AP4S1: variants seen among roughly 807,000 people sequenced by gnomAD.
AP4S1 encodes the protein adaptor related protein complex 4 subunit sigma 1, also known as AP-4 complex subunit sigma-1.
In AP4S1, 23 loss-of-function variants were observed where a neutral mutation model predicts 19.8. The ratio of observed to expected loss-of-function variants is 1.16; its 90% CI spans 0.84 to 1.65. The LOEUF (loss-of-function observed/expected upper bound fraction) is 1.65, where lower values mean the gene tolerates loss of function less well. AP4S1 is among the 40% of genes most tolerant of loss of function. AP4S1 has a pLI of 0.00. For synonymous variants in AP4S1, 46 were observed against 54.1 expected, an observed-to-expected ratio of 0.85 and a Z score of 0.66; for missense variants, 166 against 172.8, an observed-to-expected ratio of 0.96 and a Z score of 0.22.
At chr14:31,067,888 T>C (rs1886810384) in intron 2 of AP4S1, among the ~76,000 whole-genome samples, 1 of 151,088 alleles carries the variant, frequency 6.6e-6, no homozygotes, top group African/African-American at 2.4e-5. Context: ...TTTTTTTTTT[T>C]GAGACAGAGT....
intron 5 of AP4S1, chr14:31,083,697 A>G (rs575539538): frequency 1.4e-3 from 518 of 377,712 alleles, no homozygotes; most frequent in Middle Eastern, 7.6e-3. Context: ...TTTTGAGGAG[A>G]TGGGGTCTCA....
At chr14:31,092,129 C>A (rs1329004910) in intron 5 of AP4S1, among the ~76,000 whole-genome samples, 1 of 152,212 alleles carries the variant, frequency 6.6e-6, no homozygotes, top group African/African-American at 2.4e-5. Context: ...CTCCATCATT[C>A]TCAAATGACT....
chr14:31,090,080 C>T (rs1390594781), intron 5 of AP4S1, among the ~76,000 whole-genome samples: 1 of 152,078 alleles, frequency 6.6e-6, no homozygotes, highest in African/African-American at 2.4e-5. Context: ...CCTCCGCCTC[C>T]GAGGTTCAAG....
At chr14:31,080,448 A>G in intron 4 of AP4S1, 125 bp from the exon 5 acceptor site, 1 of 782,464 alleles carries the variant, frequency 1.3e-6, no homozygotes. Flanking sequence ...TGTGGCCACC[A>G]AGCCCAGAAG....
chr14:31,091,498 A>G (rs1888074860), intron 5 of AP4S1, among the ~76,000 whole-genome samples: 1 of 151,344 alleles, frequency 6.6e-6, no homozygotes, highest in Non-Finnish European at 1.5e-5. Context: ...ATTGAAAGAC[A>G]GTATTAATAG....
At chr14:31,070,005 G>T in intron 3 of AP4S1, 76 bp downstream of exon 3, 1 of 1,305,790 alleles carries the variant, frequency 7.7e-7, no homozygotes, top group Non-Finnish European at 1.1e-6. Flanking sequence ...TGACTCTCTT[G>T]ATTTTTTTTA....
At chr14:31,038,996 T>G (rs1247674237) in intron 1 of AP4S1, among the ~76,000 whole-genome samples, 4 of 151,704 alleles carry the variant, frequency 2.6e-5, no homozygotes, top group East Asian at 1.9e-4. Flanking sequence ...GTAGAGGTTT[T>G]TTTTTTTTTT....
rs143123975 is a variant in AP4S1 at position 31,037,715 on chromosome 14, C to T, written c.-72+11928C>T. 7.9e-3 allele frequency among the ~76,000 whole-genome samples: 1,196 copies of T among 152,150 alleles called. 7 individuals carry two copies. Among genetic ancestry groups the T allele is most frequent in the Non-Finnish European group, 0.013 (883 of 68,010 alleles). On this transcript the variant is annotated intron_variant, in intron 1 of 5. Coordinates refer to ENST00000542754, the MANE Select transcript of AP4S1 (RefSeq NM_001128126.3). ...CTGTAATCCCAGCACTTTAGGAGGCCAAGGTGGGAGGATTGTTTGAGCCCA... is the reference window on the plus strand; with the variant it reads ...CTGTAATCCCAGCACTTTAGGAGGCTAAGGTGGGAGGATTGTTTGAGCCCA...
At chr14:31,079,063 C>CA (rs1201496249) in intron 4 of AP4S1, among the ~76,000 whole-genome samples, 2 of 152,200 alleles carry the variant, frequency 1.3e-5, no homozygotes, top group East Asian at 3.9e-4. Context: ...ATTTTTAAAA[C>CA]AAAAAACCAA....
intron 5 of AP4S1, chr14:31,085,552 T>C: frequency 6.1e-6 from 6 of 977,646 alleles, no homozygotes; most frequent in African/African-American, 1.7e-5. Flanking sequence ...AGCAGGAGGA[T>C]TGCTTGAGGC....
Position 31,035,105 on chromosome 14 carries a change from A to G in AP4S1, c.-72+9318A>G, listed in dbSNP as rs148520484. On this transcript the variant is annotated intron_variant, in intron 1 of 5. Transcript: ENST00000542754. The stretch of plus-strand genomic sequence containing the variant: ...TTATTTCATTAGTACATAGTTCTCT[A>G]AGTATCTTTAACAGATTAGGAGTTT... Among the ~76,000 whole-genome samples the G allele has an allele frequency of 1.5e-4, 23 of 152,152 alleles. 1 individual carries two copies. Among genetic ancestry groups the G allele is most frequent in the African/African-American group, 4.8e-4 (20 of 41,506 alleles).
chr14:31,068,110 C>T (rs1319174724), intron 2 of AP4S1, among the ~76,000 whole-genome samples: 8 of 151,138 alleles, frequency 5.3e-5, no homozygotes, highest in Admixed American at 4.6e-4. Flanking sequence ...TCAGGTGAGC[C>T]ACCCGCCTTG....
At chr14:31,088,816 A>AAG (rs1319826453) in intron 5 of AP4S1, among the ~76,000 whole-genome samples, 3 of 149,388 alleles carry the variant, frequency 2.0e-5, no homozygotes, top group African/African-American at 7.4e-5. Context: ...TCAAAAAAAA[A>AAG]AAAAAAAAAA....
At chr14:31,092,100 C>T (rs909547004) in intron 5 of AP4S1, among the ~76,000 whole-genome samples, 9 of 152,198 alleles carry the variant, frequency 5.9e-5, no homozygotes, top group African/African-American at 2.2e-4. Context: ...CCAGTAAGAA[C>T]ACCTGTAAGC....
chr14:31,040,098 C>T (rs942233784), intron 1 of AP4S1, among the ~76,000 whole-genome samples: 3 of 151,628 alleles, frequency 2.0e-5, no homozygotes, highest in African/African-American at 7.3e-5. Context: ...TATAGTCTAC[C>T]AGTCAACTTG....
At chr14:31,057,403 C>T (rs1210595960) in intron 1 of AP4S1, among the ~76,000 whole-genome samples, 1 of 152,268 alleles carries the variant, frequency 6.6e-6, no homozygotes, top group East Asian at 1.9e-4. Flanking sequence ...AAGTTGAAAC[C>T]CATTTGCCAT....
In AP4S1 at chr14:31,059,955, TTATGTATATATATG is replaced by T. The variant is rs1456759830; in HGVS notation, c.-71-6167_-71-6154del. 4.7e-3 allele frequency among the ~76,000 whole-genome samples: 625 copies of T among 133,600 alleles called. 6 individuals carry two copies. Among genetic ancestry groups the T allele is most frequent in the African/African-American group, 0.016 (585 of 37,312 alleles). 87.6% of individuals were successfully genotyped at this position (133,600 alleles called of 152,430 possible). On this transcript the variant is annotated intron_variant, in intron 1 of 5. Coordinates refer to ENST00000542754, the MANE Select transcript of AP4S1 (RefSeq NM_001128126.3). ...AATATATATATATATATTTATTTAT[TTATGTATATATATG>T]TATTTATGTATATATGTATATATAT...
At chr14:31,048,001 T>C (rs537939686) in intron 1 of AP4S1, among the ~76,000 whole-genome samples, 31 of 152,178 alleles carry the variant, frequency 2.0e-4, no homozygotes, top group African/African-American at 7.2e-4. Context: ...TCTGAAAGTT[T>C]ATACAGGTTT....
intron 2 of AP4S1, among the ~76,000 whole-genome samples, chr14:31,066,932 A>G (rs1451655103): frequency 1.3e-5 from 2 of 152,248 alleles, no homozygotes; most frequent in South Asian, 2.1e-4. Flanking sequence ...AAATTTATCC[A>G]TCTTCCAAAA....
Sources: gnomAD v4.1 joint callset for allele counts (sites outside exome capture counted in the v4.1 genomes callset) on GRCh38, gnomAD v4.1.1 for gene constraint, MANE v1.5 for transcripts, NCBI Gene and HGNC (gene_info 2026-07-23, HGNC 2026-07-21) for gene names.